GFM2: variants seen among roughly 807,000 people sequenced by gnomAD.
The protein encoded by GFM2 is GTP dependent ribosome recycling factor mitochondrial 2.
In GFM2, 72 loss-of-function variants were observed where a neutral mutation model predicts 95.4. The observed-to-expected ratio is 0.76, with a 90% CI of 0.62 to 0.92. The LOEUF is 0.92. Among genes scored for constraint, GFM2 ranks in the 40% least tolerant of loss-of-function variants. The probability of loss-of-function intolerance (pLI) is 0.00; values close to 1 mark genes in which losing one functional copy is unlikely to be tolerated. For missense variants in GFM2, 825 were observed against 924.1 expected, an observed-to-expected ratio of 0.89 and a Z score of 1.39; for synonymous variants, 276 against 317.5, an observed-to-expected ratio of 0.87 and a Z score of 1.39.
Position 74,745,673 on chromosome 5 carries a change from T to G in GFM2, c.849+5A>C. On this transcript the variant is annotated splice_donor_5th_base_variant and intron_variant, in intron 10 of 20. Coordinates refer to ENST00000296805, the MANE Select transcript of GFM2 (RefSeq NM_032380.5). ...GTGTTCATTTTATCATTCATTATAC[T>G]TTACTTGTTCAATTAAGGCATTCCT... 1.2e-6 allele frequency: 2 copies of G among 1,604,622 alleles called. No homozygotes were observed. The highest frequency in any genetic ancestry group is 4.5e-5 in the East Asian group (2 of 44,772).
chr5:74,765,221 C>T, intron 1 of GFM2: 1 of 644,346 alleles, frequency 1.6e-6, no homozygotes, highest in Non-Finnish European at 2.0e-6. Context: ...CACAACCCAG[C>T]CCTCCCCCGC....
At chr5:74,734,337 AGTTT>A (rs1004229749) in intron 15 of GFM2, among the ~76,000 whole-genome samples, 32 of 152,212 alleles carry the variant, frequency 2.1e-4, no homozygotes, top group South Asian at 6.2e-4. Flanking sequence ...TTATTTCACC[AGTTT>A]GTTTGATGTG....
rs140072367 is a variant in GFM2 at position 74,722,762 on chromosome 5, G to A, written c.2029-201C>T. 1.2e-3 allele frequency: 527 copies of A among 456,526 alleles called. 3 individuals carry two copies. Among genetic ancestry groups the A allele is most frequent in the African/African-American group, 9.6e-3 (474 of 49,564 alleles). 28.3% of individuals were successfully genotyped at this position (456,526 alleles called of 1,614,324 possible). A position where few individuals can be genotyped will look rare whatever the true frequency, so the allele number is the denominator to read the frequency against. Reference sequence around the variant, plus strand: ...TTATAGATCTTTTGTATGGTATGATGCAAGGGGATGTTTATAAAAAATGCC... The same window carrying A: ...TTATAGATCTTTTGTATGGTATGATACAAGGGGATGTTTATAAAAAATGCC... On this transcript the variant is annotated intron_variant, in intron 19 of 20. Transcript: ENST00000296805.
chr5:74,748,029 C>T (rs1743477624), intron 7 of GFM2, among the ~76,000 whole-genome samples: 1 of 152,154 alleles, frequency 6.6e-6, no homozygotes, highest in Non-Finnish European at 1.5e-5. Context: ...AACTAGGTGG[C>T]CACACAAAGA....
At chr5:74,762,229 G>C (rs1744320277) in intron 2 of GFM2, among the ~76,000 whole-genome samples, 1 of 152,146 alleles carries the variant, frequency 6.6e-6, no homozygotes, top group African/African-American at 2.4e-5. Context: ...GGCTTCTTAA[G>C]GGTTACAGGT....
chr5:74,735,754 G>A (rs574087697), intron 15 of GFM2, among the ~76,000 whole-genome samples: 1 of 152,270 alleles, frequency 6.6e-6, no homozygotes, highest in South Asian at 2.1e-4. Flanking sequence ...GTGTGGCTAG[G>A]TACTATAGTT....
At chr5:74,744,392 T>C (rs1418360991) in intron 10 of GFM2, among the ~76,000 whole-genome samples, 5 of 149,018 alleles carry the variant, frequency 3.4e-5, no homozygotes, top group Non-Finnish European at 7.5e-5. Context: ...AAAAGATAAG[T>C]GAAAAAAAAA....
chr5:74,750,630 T>C lies in GFM2; in HGVS notation c.468A>G (p.Leu156=). ...VDFTLEVERC[L]RVLDGAVAVF... ...CAGCCACTGCACCATCCAACACTCTTAGGCACCGCTCAACCTCCAAGGTAA... is the reference window on the plus strand; with the variant it reads ...CAGCCACTGCACCATCCAACACTCTCAGGCACCGCTCAACCTCCAAGGTAA... The change falls in exon 7 of 21, where the codon CTA becomes CTG. Residue 156 remains leucine (L), a synonymous_variant. Transcript: ENST00000296805. The C allele has an allele frequency of 6.2e-7, 1 of 1,613,452 alleles. No homozygotes were observed. Among genetic ancestry groups the C allele is most frequent in the East Asian group, 2.2e-5 (1 of 44,860 alleles).
At chr5:74,722,619 C>G (rs866813195) in intron 19 of GFM2, 58 bp from the exon 20 acceptor site, 1 of 1,362,042 alleles carries the variant, frequency 7.3e-7, no homozygotes. Context: ...AAAATAAATA[C>G]AGCCTAGAGC....
At chr5:74,748,562 C>T (rs1471637570) in intron 7 of GFM2, among the ~76,000 whole-genome samples, 3 of 152,084 alleles carry the variant, frequency 2.0e-5, no homozygotes, top group Non-Finnish European at 2.9e-5. Context: ...ATTATACATA[C>T]GTACCAGTTG....
chr5:74,756,010 C>G lies in GFM2; in HGVS notation c.304+2839G>C, dbSNP rs561533230. 2.6e-5 allele frequency among the ~76,000 whole-genome samples: 4 copies of G among 152,200 alleles called. No individual in the cohort carries two copies. In the South Asian group the frequency reaches 6.2e-4, roughly 24 times the overall value. On this transcript the variant is annotated intron_variant, in intron 5 of 20. Transcript: ENST00000296805. ...ACAGCATACCAAAAAGATAATCCAC[C>G]ATGATCAAGTAGGTTTCATACCAGG... is the stretch of plus-strand genomic sequence containing the variant.
intron 3 of GFM2, 63 bp downstream of exon 3, chr5:74,760,839 A>AAG: frequency 1.9e-6 from 2 of 1,061,172 alleles, no homozygotes; most frequent in Non-Finnish European, 1.4e-6. Context: ...TCTTGCAAAC[A>AAG]AGAGAGAGAA....
intron 5 of GFM2, among the ~76,000 whole-genome samples, chr5:74,757,300 T>A (rs1744037186): frequency 6.6e-6 from 1 of 152,170 alleles, no homozygotes; most frequent in Non-Finnish European, 1.5e-5. Flanking sequence ...TGTGTACATG[T>A]CTAGTTTACC....
Position 74,747,701 on chromosome 5 carries a change from GT to G in GFM2, c.598del (p.Thr200LeufsTer16). The G allele has an allele frequency of 1.2e-6, 2 of 1,602,118 alleles. No homozygotes were observed. Among genetic ancestry groups the G allele is most frequent in the Non-Finnish European group, 1.7e-6 (2 of 1,169,482 alleles). ...RICFLNKMDK[T>X]GASFKYAVES... Reference sequence around the variant, plus strand: ...AACACATTTCAAATACCTTGCTCCAGTTTTGTCCATCTTGTTTAAAAAACAG... The same window carrying G: ...AACACATTTCAAATACCTTGCTCCAGTTTGTCCATCTTGTTTAAAAAACAG... On this transcript the variant is annotated frameshift_variant, in exon 8 of 21. Transcript: ENST00000296805. LOFTEE classifies it high-confidence loss of function.
rs766952588 is a variant in GFM2 at position 74,741,657 on chromosome 5, A to C, written c.850-48T>G. The C allele has an allele frequency of 8.1e-6, 8 of 986,084 alleles. No individual in the cohort carries two copies. In the South Asian group the frequency reaches 9.0e-5, roughly 11 times the overall value. 61.1% of individuals were successfully genotyped at this position (986,084 alleles called of 1,614,324 possible). On this transcript the variant is annotated intron_variant, in intron 10 of 20. Transcript: ENST00000296805. ...TCTATAACTTGCATTTACTTTCATTAACTATTAATTTGTCCAAACACCATA... is the reference window on the plus strand; with the variant it reads ...TCTATAACTTGCATTTACTTTCATTCACTATTAATTTGTCCAAACACCATA...
At chr5:74,754,365 T>C (rs1743871744) in intron 5 of GFM2, among the ~76,000 whole-genome samples, 1 of 149,996 alleles carries the variant, frequency 6.7e-6, no homozygotes, top group South Asian at 2.1e-4. Context: ...ACCTCACATC[T>C]GAATACTAAC....
intron 17 of GFM2, among the ~76,000 whole-genome samples, chr5:74,729,058 G>GGC (rs1232587871): frequency 1.3e-5 from 2 of 151,982 alleles, no homozygotes; most frequent in Non-Finnish European, 2.9e-5. Context: ...GGCCATGTGT[G>GGC]GCATCTGAGG....
Position 74,722,735 on chromosome 5 carries a change from ATTTATAGATC to A in GFM2, c.2029-184_2029-175del, listed in dbSNP as rs888938693. 18 of 545,984 alleles carry A rather than the reference ATTTATAGATC, an allele frequency of 3.3e-5. No homozygotes were observed. The African/African-American group carries it at 3.5e-4, about 10-fold the overall frequency. 33.8% of individuals were successfully genotyped at this position (545,984 alleles called of 1,614,324 possible). A position where few individuals can be genotyped will look rare whatever the true frequency, so the allele number is the denominator to read the frequency against. ...CTTGTATAATAAGCATGATAACAGA[ATTTATAGATC>A]TTTTGTATGGTATGATGCAAGGGGA... On this transcript the variant is annotated intron_variant, in intron 19 of 20. Coordinates refer to ENST00000296805, the MANE Select transcript of GFM2 (RefSeq NM_032380.5).
In GFM2 at chr5:74,759,236, T is replaced by C. The variant is rs1029684195; in HGVS notation, c.206+133A>G. On this transcript the variant is annotated intron_variant, in intron 4 of 20. Coordinates refer to ENST00000296805, the MANE Select transcript of GFM2 (RefSeq NM_032380.5). ...ATTGAGAAAAAATAGCTAAGATACA[T>C]TATCAACATCTACTTAAAATTGGCT... 9 of 656,684 alleles carry C rather than the reference T, an allele frequency of 1.4e-5. No homozygotes were observed. In the Admixed American group the frequency reaches 2.4e-4, roughly 17 times the overall value. 40.7% of individuals were successfully genotyped at this position (656,684 alleles called of 1,614,324 possible). A position where few individuals can be genotyped will look rare whatever the true frequency, so the allele number is the denominator to read the frequency against.
Sources: gnomAD v4.1 joint callset for allele counts (sites outside exome capture counted in the v4.1 genomes callset) on GRCh38, gnomAD v4.1.1 for gene constraint, MANE v1.5 for transcripts, NCBI Gene and HGNC (gene_info 2026-07-23, HGNC 2026-07-21) for gene names.